Variants in SLC23A2 observed in about 807,000 individuals in gnomAD.
The protein encoded by SLC23A2 is Na(+)/L-ascorbic acid transporter 2.
Under a neutral mutation model 73.3 loss-of-function variants are expected in SLC23A2, and 36 were observed. The observed-to-expected ratio is 0.49, with a 90% CI of 0.38 to 0.65. The LOEUF (loss-of-function observed/expected upper bound fraction) is 0.65, where lower values mean the gene tolerates loss of function less well. SLC23A2 is among the 30% of genes least tolerant of loss of function. The probability of loss-of-function intolerance (pLI) is 0.00; values close to 1 mark genes in which losing one functional copy is unlikely to be tolerated. For missense variants in SLC23A2, 507 were observed against 841.6 expected (o/e 0.60, Z 4.92); for synonymous variants, 343 against 327.3 (o/e 1.05, Z -0.52).
Position 4,874,630 on chromosome 20 carries a change from A to G in SLC23A2, c.891T>C (p.Tyr297=), listed in dbSNP as rs139217745. 7.2e-5 allele frequency: 116 copies of G among 1,612,912 alleles called. No individual in the cohort carries two copies. In the African/African-American group the frequency reaches 1.4e-3, roughly 19 times the overall value. The change falls in exon 10 of 17, where the codon TAT becomes TAC. Residue 297 remains tyrosine (Y), a synonymous_variant. Coordinates refer to ENST00000338244, the MANE Select transcript of SLC23A2 (RefSeq NM_005116.6). Reference sequence around the variant, plus strand: ...ACGCAGTCCATCCTTTCTTGGATTTATAAATCGGGAGAGGAAATTTAACAT... The same window carrying G: ...ACGCAGTCCATCCTTTCTTGGATTTGTAAATCGGGAGAGGAAATTTAACAT... ...ARNVKFPLPI[Y]KSKKGWTAYK...
At chr20:4,904,583 G>A (rs1432334135) in intron 4 of SLC23A2, among the ~76,000 whole-genome samples, 3 of 152,234 alleles carry the variant, frequency 2.0e-5, no homozygotes, top group Non-Finnish European at 2.9e-5. Context: ...TTGCTAACGT[G>A]ATGGAATTAC....
chr20:4,886,670 T>C (rs1278249934), intron 6 of SLC23A2, among the ~76,000 whole-genome samples: 1 of 152,234 alleles, frequency 6.6e-6, no homozygotes. Context: ...CATTTTTTAA[T>C]GGAAATGTAC....
chr20:4,962,195 T>C (rs6052989), intron 2 of SLC23A2, among the ~76,000 whole-genome samples: 11 of 149,666 alleles, frequency 7.3e-5, no homozygotes, highest in African/African-American at 2.7e-4. Context: ...TAATATGAAA[T>C]AGAGAAAGTC....
At position 4,902,487 on chromosome 20, in the gene SLC23A2, T is replaced by C. The variant is rs1160014513; in HGVS notation, c.279A>G (p.Ile93Met). The C allele has an allele frequency of 7.4e-6, 12 of 1,612,792 alleles. No homozygotes were observed. Among genetic ancestry groups the C allele is most frequent in the African/African-American group, 2.7e-5 (2 of 74,864 alleles). Reference protein sequence around the residue: ...DPQRSDMIYTIEDVPPWYLCI... With the variant: ...DPQRSDMIYTMEDVPPWYLCI... ...ACAGGTACCAGGGAGGAACATCTTC[T>C]ATGGTATAAATCATGTCTGATCGCT... The change falls in exon 5 of 17, where the codon ATA becomes ATG. Residue 93 changes from isoleucine to methionine, a missense_variant. Ile to Met is a conservative substitution (Grantham distance 10). This residue lies in a region of SLC23A2 where 78 missense variants were observed against 86.7 expected (regional missense o/e 0.90). Transcript: ENST00000338244. This position sits in a 1 kb window ranked among gnomAD's most constrained non-coding sequence, Gnocchi z 4.0.
At chr20:4,956,040 T>C (rs1418851808) in intron 2 of SLC23A2, among the ~76,000 whole-genome samples, 2 of 152,080 alleles carry the variant, frequency 1.3e-5, no homozygotes, top group African/African-American at 2.4e-5. Context: ...GGGCAGAAAA[T>C]AGGGCAAAAC....
chr20:4,912,428 C>T (rs983397872), intron 4 of SLC23A2, among the ~76,000 whole-genome samples: 1 of 152,106 alleles, frequency 6.6e-6, no homozygotes, highest in African/African-American at 2.4e-5. Flanking sequence ...AATAACTTCA[C>T]ATATCATTTC....
Position 4,854,977 on chromosome 20 carries a change from T to C in SLC23A2, c.*1995A>G, listed in dbSNP as rs1929661734. The C allele has an allele frequency of 6.6e-6, 1 of 152,204 alleles. No homozygotes were observed. The highest frequency in any genetic ancestry group is 2.4e-5 in the African/African-American group (1 of 41,128). The allele number at this position is 152,204 out of a possible 1,614,324, so 9.4% of individuals were successfully genotyped here. A position where few individuals can be genotyped will look rare whatever the true frequency, so the allele number is the denominator to read the frequency against. ...AACAGAAGGAACTGAGAGCAACTCA[T>C]TGCAGGAGGGCTGCCAGCCTCAAGA... On this transcript the variant is annotated 3_prime_UTR_variant, in exon 17 of 17. Transcript: ENST00000338244.
intron 3 of SLC23A2, among the ~76,000 whole-genome samples, chr20:4,918,183 CTAAT>C (rs1932390062): frequency 6.6e-6 from 1 of 152,126 alleles, no homozygotes; most frequent in Non-Finnish European, 1.5e-5. Flanking sequence ...TTTTGGGTAA[CTAAT>C]AGATAACAGA....
At chr20:4,898,629 G>C (rs1289173163) in intron 6 of SLC23A2, among the ~76,000 whole-genome samples, 1 of 152,174 alleles carries the variant, frequency 6.6e-6, no homozygotes, top group Non-Finnish European at 1.5e-5. Context: ...GAGGGGAGAG[G>C]AGCAGGAAAG....
At chr20:5,001,595 C>T (rs2088128228), upstream of SLC23A2, 1 of 150,260 alleles carries the variant, frequency 6.7e-6, no homozygotes, top group African/African-American at 2.4e-5. Context: ...TCCCCGCCCC[C>T]GACCCCTGCC....
intron 2 of SLC23A2, among the ~76,000 whole-genome samples, chr20:4,968,724 CTTTTTTT>C (rs10684173): frequency 6.8e-6 from 1 of 147,054 alleles, no homozygotes; most frequent in Admixed American, 6.8e-5. Context: ...GTGTATTTTT[CTTTTTTT>C]TTTTTGAGAC....
chr20:4,939,717 T>C (rs2087012266), intron 2 of SLC23A2, among the ~76,000 whole-genome samples: 1 of 152,176 alleles, frequency 6.6e-6, no homozygotes, highest in African/African-American at 2.4e-5. Flanking sequence ...AAGACATTTA[T>C]AGAAAGGTTT....
rs544033201 is a variant in SLC23A2 at position 4,974,655 on chromosome 20, C to A, written c.-281-3736G>T. ...AGTTTATTTTTAACCTTATACTACCCTTATATCCTTTATCCTTATACTATC... is the reference window on the plus strand; with the variant it reads ...AGTTTATTTTTAACCTTATACTACCATTATATCCTTTATCCTTATACTATC... On this transcript the variant is annotated intron_variant, in intron 1 of 16. Transcript: ENST00000338244. Among the ~76,000 whole-genome samples the A allele has an allele frequency of 2.6e-4, 39 of 152,064 alleles. 1 individual carries two copies. In the South Asian group the frequency reaches 4.4e-3, roughly 17 times the overall value.
At chr20:4,882,354 A>G (rs58279523) in intron 9 of SLC23A2, among the ~76,000 whole-genome samples, 10,049 of 152,158 alleles carry the variant, frequency 0.066, 745 homozygotes, top group African/African-American at 0.18. Context: ...CAGCCTGGGC[A>G]ACAGAGCGAG....
Position 4,895,916 on chromosome 20 carries a change from C to T in SLC23A2, c.482+3639G>A, listed in dbSNP as rs1016321789. Among the ~76,000 whole-genome samples, 16 of 152,270 alleles carry T rather than the reference C, an allele frequency of 1.1e-4. No homozygotes were observed. The East Asian group carries it at 1.2e-3, about 11-fold the overall frequency. ...TGGATGGGAACAGCGCATATGCTCACGGAGGAGTTGGCCATTTGGGGATTT... is the reference window on the plus strand; with the variant it reads ...TGGATGGGAACAGCGCATATGCTCATGGAGGAGTTGGCCATTTGGGGATTT... On this transcript the variant is annotated intron_variant, in intron 6 of 16. Coordinates refer to ENST00000338244, the MANE Select transcript of SLC23A2 (RefSeq NM_005116.6).
chr20:4,978,754 T>C (rs923029653), intron 1 of SLC23A2, among the ~76,000 whole-genome samples: 10 of 152,176 alleles, frequency 6.6e-5, no homozygotes, highest in Non-Finnish European at 1.2e-4. Flanking sequence ...CTGAGCCAGA[T>C]GCTGTGAAGC....
At chr20:4,976,962 A>C (rs12625071) in intron 1 of SLC23A2, among the ~76,000 whole-genome samples, 2,634 of 152,044 alleles carry the variant, frequency 0.017, 64 homozygotes, top group African/African-American at 0.053. Context: ...GGTGGCTGAG[A>C]GAAGCTCCAT....
chr20:4,867,528 T>C (rs565578558), intron 13 of SLC23A2, among the ~76,000 whole-genome samples: 3 of 149,348 alleles, frequency 2.0e-5, no homozygotes, highest in South Asian at 2.1e-4. Flanking sequence ...CAGTGCTTTA[T>C]AAATATCTAT....
chr20:4,875,992 G>A (rs946360512), intron 9 of SLC23A2, among the ~76,000 whole-genome samples: 6 of 152,124 alleles, frequency 3.9e-5, no homozygotes, highest in Non-Finnish European at 5.9e-5. Flanking sequence ...GTTGCTCCAC[G>A]GGTCTCCCTG....
Sources: gnomAD v4.1 joint callset for allele counts (sites outside exome capture counted in the v4.1 genomes callset) on GRCh38, gnomAD v4.1.1 for gene constraint, gnomAD v4.1.1 regional missense constraint, Gnocchi (gnomAD v3.1) non-coding constraint, MANE v1.5 for transcripts, NCBI Gene and HGNC (gene_info 2026-07-23, HGNC 2026-07-21) for gene names.